The following NLRP5 variants were observed in gnomAD, a reference collection of about 807,000 sequenced individuals.
The protein encoded by NLRP5 is NACHT, LRR and PYD domains-containing protein 5.
In NLRP5, 93 loss-of-function variants were observed where a neutral mutation model predicts 113.1. The observed-to-expected ratio is 0.82, with a 90% CI of 0.70 to 0.98. The LOEUF is 0.98. Ranked by LOEUF, NLRP5 falls within the 50% of genes least tolerant of loss-of-function variation. NLRP5 has a pLI of 0.00. For missense variants in NLRP5, 1,808 were observed against 1,514.3 expected, an observed-to-expected ratio of 1.19 and a Z score of -3.22; for synonymous variants, 751 against 600.7, an observed-to-expected ratio of 1.25 and a Z score of -3.66.
chr19:56,050,787 G>A (rs918428165), intron 12 of NLRP5, among the ~76,000 whole-genome samples, 199 bp downstream of exon 12: 1 of 152,188 alleles, frequency 6.6e-6, no homozygotes, highest in Non-Finnish European at 1.5e-5. Context: ...GAGCCTCATG[G>A]GAGGAACCAT....
upstream of NLRP5, among the ~76,000 whole-genome samples, chr19:55,994,976 G>T (rs185960643): frequency 1.3e-5 from 2 of 152,078 alleles, no homozygotes; most frequent in Non-Finnish European, 2.9e-5. Flanking sequence ...TCCCGTTTTC[G>T]CAGTACCACC....
rs977876073 is a variant in NLRP5 at position 56,035,330 on chromosome 19, G to A, written c.2615+1621G>A. ...TGTACCATGTGGTGTTTGCCTGGCA[G>A]CCAGGGAACTGCACTTTAAGAAGAT... On this transcript the variant is annotated intron_variant, in intron 9 of 14. Coordinates refer to ENST00000390649, the MANE Select transcript of NLRP5 (RefSeq NM_153447.4). Among the ~76,000 whole-genome samples the A allele has an allele frequency of 2.0e-5, 3 of 152,220 alleles. No homozygotes were observed. The East Asian group carries it at 5.8e-4, about 29-fold the overall frequency.
At chr19:56,013,187 GTTTTTGT>G (rs1216044681) in intron 3 of NLRP5, among the ~76,000 whole-genome samples, 1 of 152,028 alleles carries the variant, frequency 6.6e-6, no homozygotes, top group East Asian at 1.9e-4. Context: ...TTAACATAAT[GTTTTTGT>G]TTTTTGTTTT....
chr19:56,036,098 C>G (rs1983304781), intron 9 of NLRP5, among the ~76,000 whole-genome samples: 1 of 103,480 alleles, frequency 9.7e-6, no homozygotes, highest in African/African-American at 4.3e-5. Flanking sequence ...GAGTCTTGCT[C>G]TGTTGCCCAG....
intron 2 of NLRP5, among the ~76,000 whole-genome samples, chr19:56,004,783 T>C (rs1981790435): frequency 6.6e-6 from 1 of 152,018 alleles, no homozygotes. Context: ...GACTGAGCCC[T>C]TGAATTGGCC....
At chr19:56,000,034 C>T (rs1319602696) in intron 1 of NLRP5, among the ~76,000 whole-genome samples, 2 of 151,312 alleles carry the variant, frequency 1.3e-5, no homozygotes, top group African/African-American at 4.9e-5. Flanking sequence ...TTTTCAATGA[C>T]AGTTGTCCAG....
intron 11 of NLRP5, among the ~76,000 whole-genome samples, chr19:56,041,996 CA>C (rs1232476195): frequency 1.3e-5 from 2 of 152,012 alleles, no homozygotes; most frequent in Non-Finnish European, 2.9e-5. Context: ...CACAAAAATC[CA>C]ACAAACACGG....
chr19:56,035,927 C>T (rs992177350), intron 9 of NLRP5, among the ~76,000 whole-genome samples: 6 of 151,866 alleles, frequency 4.0e-5, no homozygotes, highest in Non-Finnish European at 5.9e-5. Flanking sequence ...CTTGATTCTG[C>T]GTATAGTACA....
rs370859531 is a variant in NLRP5, at chr19:56,027,377, G to A, written c.1144G>A (p.Ala382Thr). Residue 382 changes from alanine (A) to threonine (T), a missense_variant, in exon 7 of 15, where the codon GCT becomes ACT. Physicochemically the swap from Ala to Thr is moderately conservative, Grantham distance 58. Transcript: ENST00000390649. ...TGACACAAAGCTCTGCAAAGACTGG[G>A]CTGAGAAGCAGCCTCCGTTCACCCT... is the stretch of plus-strand genomic sequence containing the variant. The A allele has an allele frequency of 1.2e-6, 2 of 1,613,508 alleles. No individual in the cohort carries two copies. The highest frequency in any genetic ancestry group is 1.3e-5 in the African/African-American group (1 of 75,044).
chr19:55,998,917 G>A (rs1981490782), upstream of NLRP5, among the ~76,000 whole-genome samples: 1 of 151,366 alleles, frequency 6.6e-6, no homozygotes, highest in Admixed American at 6.6e-5. Flanking sequence ...TTTTTGTGGT[G>A]AGGATGTTTA....
the NLRP5 span, among the ~76,000 whole-genome samples, chr19:55,992,751 C>T: frequency 6.6e-6 from 1 of 152,264 alleles, no homozygotes; most frequent in East Asian, 1.9e-4. Flanking sequence ...TGCCTGGCTC[C>T]TTCTGGGAGA....
At chr19:56,006,593 A>G (rs1428397273) in intron 2 of NLRP5, among the ~76,000 whole-genome samples, 20 of 151,764 alleles carry the variant, frequency 1.3e-4, no homozygotes, top group East Asian at 5.9e-4. Context: ...TTAGCCAGGC[A>G]TGGTGGCACA....
intron 3 of NLRP5, among the ~76,000 whole-genome samples, chr19:56,011,487 AATTT>A (rs1036810064): frequency 3.0e-4 from 45 of 152,188 alleles, no homozygotes; most frequent in African/African-American, 1.1e-3. Context: ...TGATTTGTGA[AATTT>A]ATTTCTGTAA....
intron 14 of NLRP5, 128 bp from the exon 15 acceptor site, chr19:56,061,268 T>C: frequency 2.1e-6 from 2 of 939,556 alleles, no homozygotes; most frequent in Non-Finnish European, 3.1e-6. Flanking sequence ...GGTTTAACTC[T>C]TTGGGGCACG....
At chr19:56,024,408 A>G (rs1262315799) in intron 6 of NLRP5, among the ~76,000 whole-genome samples, 1 of 124,550 alleles carries the variant, frequency 8.0e-6, no homozygotes, top group African/African-American at 3.1e-5. Context: ...ATATGTACAT[A>G]TATGTATATA....
intron 11 of NLRP5, among the ~76,000 whole-genome samples, chr19:56,041,561 A>T (rs1233231636): frequency 6.6e-6 from 1 of 152,180 alleles, no homozygotes; most frequent in Non-Finnish European, 1.5e-5. Flanking sequence ...TGCCTGACAA[A>T]GCCTATCTGA....
intron 9 of NLRP5, among the ~76,000 whole-genome samples, chr19:56,037,714 A>C (rs7245734): frequency 0.077 from 10,137 of 131,718 alleles, 559 homozygotes; most frequent in Middle Eastern, 0.15. Context: ...AAAAAAAAAA[A>C]TGTTGGCTGG....
intron 5 of NLRP5, among the ~76,000 whole-genome samples, chr19:56,020,065 GACCTCGGCTGCCC>G (rs1332041529): frequency 6.6e-6 from 1 of 151,820 alleles, no homozygotes; most frequent in Non-Finnish European, 1.5e-5. Flanking sequence ...TCGAACTCGT[GACCTCGGCTGCCC>G]ACCTCGGCCT....
intron 13 of NLRP5, among the ~76,000 whole-genome samples, chr19:56,055,432 A>G (rs1166302065): frequency 2.0e-5 from 3 of 147,446 alleles, no homozygotes; most frequent in East Asian, 4.0e-4. Flanking sequence ...TATTTTTATG[A>G]TTTTATTAAA....
Sources: allele counts gnomAD v4.1 joint callset (sites outside exome capture counted in the v4.1 genomes callset), GRCh38; gene constraint gnomAD v4.1.1; transcripts MANE v1.5; gene names NCBI Gene and HGNC (gene_info 2026-07-23, HGNC 2026-07-21).